SH3GL2: variants seen among roughly 807,000 people sequenced by gnomAD.
The protein encoded by SH3GL2 is endophilin-A1.
In SH3GL2, 24 loss-of-function variants were observed where a neutral mutation model predicts 46.0. The ratio of observed to expected loss-of-function variants is 0.52; its 90% confidence interval spans 0.38 to 0.73. The LOEUF is 0.73. SH3GL2 is among the 30% of genes least tolerant of loss of function. The probability of loss-of-function intolerance (pLI) is 0.00; values close to 1 mark genes in which losing one functional copy is unlikely to be tolerated. For missense variants in SH3GL2, 413 were observed against 424.2 expected, an observed-to-expected ratio of 0.97 and a Z score of 0.23; for synonymous variants, 196 against 147.1, an observed-to-expected ratio of 1.33 and a Z score of -2.40.
intron 1 of SH3GL2, among the ~76,000 whole-genome samples, chr9:17,741,595 T>C (rs1822529790): frequency 6.6e-6 from 1 of 152,196 alleles, no homozygotes; most frequent in Non-Finnish European, 1.5e-5. Context: ...TACAGACCAA[T>C]GCCGACTCAT....
At chr9:17,774,476 A>G (rs1008889519) in intron 3 of SH3GL2, among the ~76,000 whole-genome samples, 16 of 151,062 alleles carry the variant, frequency 1.1e-4, no homozygotes, top group African/African-American at 3.9e-4. Flanking sequence ...TTCCTAGCTT[A>G]TTGTTTTTAT....
intron 1 of SH3GL2, among the ~76,000 whole-genome samples, chr9:17,745,211 T>C (rs1218657928): frequency 6.6e-6 from 1 of 152,190 alleles, no homozygotes; most frequent in Non-Finnish European, 1.5e-5. Context: ...GTGATACAAA[T>C]TTAATAACCT....
intron 7 of SH3GL2, among the ~76,000 whole-genome samples, chr9:17,791,944 G>A (rs896873049): frequency 9.9e-5 from 15 of 152,226 alleles, no homozygotes; most frequent in Admixed American, 2.6e-4. Context: ...ATGTGGCTCC[G>A]TGGAGTTGTG....
chr9:17,601,543 C>T (rs912977852), intron 1 of SH3GL2, among the ~76,000 whole-genome samples: 2 of 152,060 alleles, frequency 1.3e-5, no homozygotes, highest in Non-Finnish European at 2.9e-5. Context: ...TTCCTTTTGT[C>T]CTTTGTAAAA....
chr9:17,639,849 A>T (rs780134479), intron 1 of SH3GL2, among the ~76,000 whole-genome samples: 18 of 152,210 alleles, frequency 1.2e-4, no homozygotes, highest in Non-Finnish European at 2.4e-4. Flanking sequence ...AAACTTTTAA[A>T]AGTTATGCTA....
At chr9:17,684,818 C>T (rs1294680525) in intron 1 of SH3GL2, among the ~76,000 whole-genome samples, 1 of 152,066 alleles carries the variant, frequency 6.6e-6, no homozygotes, top group Non-Finnish European at 1.5e-5. Context: ...ACCCAGATTC[C>T]TATGTCCTTC....
At chr9:17,583,142 G>A (rs1007936194) in intron 1 of SH3GL2, among the ~76,000 whole-genome samples, 2 of 152,166 alleles carry the variant, frequency 1.3e-5, no homozygotes, top group African/African-American at 4.8e-5. Flanking sequence ...ATTAACCACA[G>A]TATTCTATAT....
At chr9:17,756,049 T>C (rs1822979000) in intron 2 of SH3GL2, among the ~76,000 whole-genome samples, 1 of 152,190 alleles carries the variant, frequency 6.6e-6, no homozygotes, top group South Asian at 2.1e-4. Flanking sequence ...AGAGGGTCTC[T>C]GTGGTCTCTT....
At chr9:17,580,546 GAAAAGT>G (rs1333429937) in intron 1 of SH3GL2, among the ~76,000 whole-genome samples, 3 of 152,170 alleles carry the variant, frequency 2.0e-5, no homozygotes, top group African/African-American at 7.2e-5. Flanking sequence ...AGGAAATCAA[GAAAAGT>G]AAGACTATTT....
rs774614787 is a variant in SH3GL2, at chr9:17,786,534, G to T, written c.331+10G>T. 7 of 1,612,068 alleles carry T rather than the reference G, an allele frequency of 4.3e-6. No individual in the cohort carries two copies. In the African/African-American group the frequency reaches 9.4e-5, roughly 22 times the overall value. On this transcript the variant is annotated intron_variant, in intron 4 of 8. Transcript: ENST00000380607. ...GATGATTGCAACTTTGGTAACAAGT[G>T]CTTCCTCACATTGTAATTCTTTCAT...
At chr9:17,771,024 G>C in intron 3 of SH3GL2, among the ~76,000 whole-genome samples, 1 of 152,238 alleles carries the variant, frequency 6.6e-6, no homozygotes, top group East Asian at 1.9e-4. Context: ...GTGAGGTAAT[G>C]TGTGTTGTTT....
intron 3 of SH3GL2, among the ~76,000 whole-genome samples, chr9:17,775,966 G>A (rs1823630373): frequency 6.6e-6 from 1 of 152,154 alleles, no homozygotes; most frequent in Admixed American, 6.6e-5. Flanking sequence ...AAAGAAGGAA[G>A]CCACTCTTGA....
rs1461110518 is a variant in SH3GL2, at chr9:17,656,721, GT to G, written c.45+77436del. Among the ~76,000 whole-genome samples the G allele has an allele frequency of 1.1e-3, 140 of 131,398 alleles. 2 individuals are homozygous for G. The highest frequency in any genetic ancestry group is 3.6e-3 in the African/African-American group (134 of 36,894). The allele number at this position is 131,398 out of a possible 152,430, so 86.2% of individuals were successfully genotyped here. On this transcript the variant is annotated intron_variant, in intron 1 of 8. Coordinates refer to ENST00000380607, the MANE Select transcript of SH3GL2 (RefSeq NM_003026.5). ...AGAGGCGGAGCTTGTAGTGAGCCGA[GT>G]TAGTGCCACTGCACTGCAAGCCTGG...
intron 1 of SH3GL2, among the ~76,000 whole-genome samples, chr9:17,608,842 C>A (rs1818808311): frequency 6.6e-6 from 1 of 152,186 alleles, no homozygotes; most frequent in African/African-American, 2.4e-5. Flanking sequence ...TTAATCAATC[C>A]TTTTTATTTT....
intron 3 of SH3GL2, among the ~76,000 whole-genome samples, chr9:17,769,627 C>T (rs943316377): frequency 6.6e-6 from 1 of 152,116 alleles, no homozygotes; most frequent in African/African-American, 2.4e-5. Flanking sequence ...GATGCCGTCT[C>T]CCTGTACAGT....
intron 1 of SH3GL2, 33 bp downstream of exon 1, chr9:17,579,320 T>G: frequency 6.7e-7 from 1 of 1,499,750 alleles, no homozygotes; most frequent in Non-Finnish European, 9.0e-7. Flanking sequence ...CCCGGGGCAG[T>G]CCGGGGCGAA....
At chr9:17,712,743 G>A (rs2118283925) in intron 1 of SH3GL2, among the ~76,000 whole-genome samples, 1 of 151,792 alleles carries the variant, frequency 6.6e-6, no homozygotes, top group South Asian at 2.1e-4. Flanking sequence ...CATCTAAGTT[G>A]TTTTGTCCAT....
chr9:17,583,715 TA>T (rs1194529311), intron 1 of SH3GL2, among the ~76,000 whole-genome samples: 1 of 151,784 alleles, frequency 6.6e-6, no homozygotes, highest in African/African-American at 2.4e-5. Context: ...GGTATATGTT[TA>T]TTTGTCACAC....
rs556903870 is a variant in SH3GL2 at position 17,644,805 on chromosome 9, T to C, written c.45+65518T>C. Among the ~76,000 whole-genome samples the C allele has an allele frequency of 2.0e-5, 3 of 152,290 alleles. No individual in the cohort carries two copies. The South Asian group carries it at 6.2e-4, about 32-fold the overall frequency. ...TGAGAAGAATGTATCTTCTGTTTGT[T>C]TGGGGTGGAGAGTTCTGTAGATGTC... On this transcript the variant is annotated intron_variant, in intron 1 of 8. Coordinates refer to ENST00000380607, the MANE Select transcript of SH3GL2 (RefSeq NM_003026.5).
Sources: gnomAD v4.1 joint callset for allele counts (sites outside exome capture counted in the v4.1 genomes callset) on GRCh38, gnomAD v4.1.1 for gene constraint, MANE v1.5 for transcripts, NCBI Gene and HGNC (gene_info 2026-07-23, HGNC 2026-07-21) for gene names.